Variants in SRRM4 observed in about 807,000 individuals in gnomAD.
SRRM4 encodes serine/arginine repetitive matrix 4.
SRRM4 carries 33 observed loss-of-function variants against 68.9 expected under a neutral mutation model. The observed-to-expected ratio is 0.48, with a 90% CI of 0.36 to 0.64. SRRM4 has a LOEUF of 0.64. SRRM4 is among the 30% of genes least tolerant of loss of function. The pLI is 0.00. For missense variants in SRRM4, 817 were observed against 827.1 expected (o/e 0.99, Z 0.15); for synonymous variants, 318 against 318.8 (o/e 1.00, Z 0.03).
intron 1 of SRRM4, 106 bp downstream of exon 1, chr12:118,982,119 C>T (rs919064897): frequency 1.5e-5 from 21 of 1,385,116 alleles, no homozygotes; most frequent in Non-Finnish European, 2.0e-5. Flanking sequence ...GGGCGCCTGT[C>T]TTTTCCCGTC....
intron 1 of SRRM4, among the ~76,000 whole-genome samples, chr12:119,005,109 T>A (rs1489958163): frequency 6.6e-6 from 1 of 152,226 alleles, no homozygotes; most frequent in Non-Finnish European, 1.5e-5. Context: ...CCCTAAACTC[T>A]GGCTGACTCT....
intron 1 of SRRM4, among the ~76,000 whole-genome samples, chr12:119,033,127 A>G (rs1953602532): frequency 6.6e-6 from 1 of 152,108 alleles, no homozygotes; most frequent in Non-Finnish European, 1.5e-5. Flanking sequence ...GTCTTCACTT[A>G]TTTTTATTAT....
In SRRM4 at chr12:119,157,871, C is replaced by G. The variant is rs992466723; in HGVS notation, c.*1073C>G. 1 of 152,774 alleles carries G rather than the reference C, an allele frequency of 6.5e-6. No homozygotes were observed. Among genetic ancestry groups the G allele is most frequent in the Non-Finnish European group, 1.5e-5 (1 of 68,308 alleles). 9.5% of individuals were successfully genotyped at this position (152,774 alleles called of 1,614,324 possible). A position where few individuals can be genotyped will look rare whatever the true frequency, so the allele number is the denominator to read the frequency against. ...CCCACCCACCCTTCAGCTTAAGCCA[C>G]TCCCCTTGCCTCTCAGGAATTTTGC... On this transcript the variant is annotated 3_prime_UTR_variant, in exon 13 of 13. Transcript: ENST00000267260. This position sits in a 1 kb window ranked among gnomAD's most constrained non-coding sequence, Gnocchi z 4.1.
intron 1 of SRRM4, among the ~76,000 whole-genome samples, chr12:119,063,135 C>T (rs1353318201): frequency 2.0e-5 from 3 of 152,172 alleles, no homozygotes; most frequent in Non-Finnish European, 2.9e-5. Context: ...CTACTAAATA[C>T]TTGGCACTCT....
intron 6 of SRRM4, among the ~76,000 whole-genome samples, chr12:119,123,133 G>A (rs935439988): frequency 2.0e-5 from 3 of 152,150 alleles, no homozygotes; most frequent in Admixed American, 6.5e-5. Flanking sequence ...AAAGGTAGTC[G>A]ACTGCCAGGG....
intron 2 of SRRM4, among the ~76,000 whole-genome samples, chr12:119,113,611 C>G (rs1412895356): frequency 6.6e-6 from 1 of 152,118 alleles, no homozygotes; most frequent in East Asian, 1.9e-4. Flanking sequence ...AATTCCCAAG[C>G]AGTTTTTCAT....
chr12:119,122,272 AAGGCAGGAAGGCAGGAAGGC>A (rs1297671396), intron 6 of SRRM4, among the ~76,000 whole-genome samples, 152 bp downstream of exon 6: 138 of 91,928 alleles, frequency 1.5e-3, no homozygotes, highest in South Asian at 0.013. Flanking sequence ...GGAAGGCAGG[AAGGCAGGAAGGCAGGAAGGC>A]AGGAAGGAAG....
At chr12:119,125,756 C>T (rs1954254889) in intron 7 of SRRM4, among the ~76,000 whole-genome samples, 1 of 151,942 alleles carries the variant, frequency 6.6e-6, no homozygotes, top group African/African-American at 2.4e-5. Context: ...CCTGTCTCTA[C>T]TAAAAATACA....
chr12:119,031,610 A>G (rs1421177918), intron 1 of SRRM4, among the ~76,000 whole-genome samples: 1 of 152,202 alleles, frequency 6.6e-6, no homozygotes, highest in East Asian at 1.9e-4. Context: ...GACCCCTGGG[A>G]TAGCCACATA....
chr12:119,051,334 A>G (rs773918451), intron 1 of SRRM4, among the ~76,000 whole-genome samples: 28 of 152,196 alleles, frequency 1.8e-4, no homozygotes, highest in Non-Finnish European at 2.8e-4. Context: ...GAGCCATCCA[A>G]TGTAATCCTC....
intron 1 of SRRM4, among the ~76,000 whole-genome samples, chr12:119,089,723 A>G (rs1008132162): frequency 6.8e-6 from 1 of 147,596 alleles, no homozygotes; most frequent in Admixed American, 6.9e-5. Flanking sequence ...CACCCTCTCT[A>G]TTCATCCTGC....
At chr12:119,017,591 G>A (rs1227256988) in intron 1 of SRRM4, among the ~76,000 whole-genome samples, 2 of 152,162 alleles carry the variant, frequency 1.3e-5, no homozygotes, top group Non-Finnish European at 2.9e-5. Context: ...GGAGACGTGG[G>A]TGGTGTGGCT....
intron 1 of SRRM4, among the ~76,000 whole-genome samples, chr12:119,072,091 T>C (rs149429197): frequency 1.3e-3 from 196 of 152,346 alleles, no homozygotes; most frequent in African/African-American, 4.7e-3. Context: ...GTACTAATAA[T>C]AGTACTACCT....
chr12:118,982,004 C>A lies in SRRM4; in HGVS notation c.122C>A (p.Pro41Gln), dbSNP rs1185857195. 9 of 1,610,078 alleles carry A rather than the reference C, an allele frequency of 5.6e-6. No homozygotes were observed. The East Asian group carries it at 1.8e-4, about 32-fold the overall frequency. The change falls in exon 1 of 13, where the codon CCG (proline) becomes CAG (glutamine). Residue 41 changes from proline to glutamine, a missense_variant. Transcript: ENST00000267260. The stretch of plus-strand genomic sequence containing the variant: ...GTCGCCAGTATCACGGCCCGCAAGC[C>A]GCTGCCAAGGTAATGATCTCCTTCT... ...IIVASITARK[P>Q]LPRTEPQNNP...
intron 1 of SRRM4, among the ~76,000 whole-genome samples, chr12:119,083,936 G>C (rs1953964392): frequency 6.6e-6 from 1 of 152,218 alleles, no homozygotes; most frequent in South Asian, 2.1e-4. Flanking sequence ...GCACAGACAA[G>C]ACGTAGAATT....
At chr12:119,140,335 G>T (rs1954356979) in intron 8 of SRRM4, among the ~76,000 whole-genome samples, 1 of 149,790 alleles carries the variant, frequency 6.7e-6, no homozygotes, top group South Asian at 2.1e-4. Flanking sequence ...CGGAGATCAT[G>T]CCATTGCACT....
chr12:119,107,406 T>C (rs144005503), intron 2 of SRRM4, among the ~76,000 whole-genome samples: 11,710 of 152,152 alleles, frequency 0.077, 498 homozygotes, highest in Admixed American at 0.1. Flanking sequence ...ACCAACTCCT[T>C]TTTGTACCTC....
chr12:119,141,195 G>A (rs933110409), intron 8 of SRRM4, among the ~76,000 whole-genome samples: 11 of 152,114 alleles, frequency 7.2e-5, no homozygotes, highest in African/African-American at 1.7e-4. Flanking sequence ...CACCCACTTC[G>A]GCCTCCCAGA....
intron 1 of SRRM4, among the ~76,000 whole-genome samples, chr12:119,075,213 A>G (rs1225751157): frequency 4.6e-5 from 7 of 152,366 alleles, no homozygotes; most frequent in Non-Finnish European, 7.3e-5. Context: ...ATTCATTCAC[A>G]AAACATCTAA....
Sources: gnomAD v4.1 joint callset for allele counts (sites outside exome capture counted in the v4.1 genomes callset) on GRCh38, gnomAD v4.1.1 for gene constraint, Gnocchi (gnomAD v3.1) non-coding constraint, MANE v1.5 for transcripts, NCBI Gene and HGNC (gene_info 2026-07-23, HGNC 2026-07-21) for gene names.